The following SAMMSON variants were observed in gnomAD, a reference collection of about 807,000 sequenced individuals.
SAMMSON encodes survival associated mitochondrial melanoma specific oncogenic non-coding RNA, also known as long intergenic non-protein coding RNA 1212.
At chr3:70,147,077 G>A (rs1290897191) in intron 4 of SAMMSON, among the ~76,000 whole-genome samples, 2 of 151,942 alleles carry the variant, frequency 1.3e-5, no homozygotes, top group Non-Finnish European at 2.9e-5. Context: ...GATAGCTGCT[G>A]CAAAATGGAA....
intron 4 of SAMMSON, among the ~76,000 whole-genome samples, chr3:70,217,546 A>G (rs1379553096): frequency 6.6e-6 from 1 of 152,132 alleles, no homozygotes; most frequent in East Asian, 1.9e-4. Context: ...ATTTTTATCA[A>G]TTTAAAAGGA....
intron 6 of SAMMSON, among the ~76,000 whole-genome samples, chr3:70,254,254 ATAAAT>A (rs1439215029): frequency 6.6e-6 from 1 of 152,208 alleles, no homozygotes; most frequent in African/African-American, 2.4e-5. Context: ...AGTTTAATGG[ATAAAT>A]TAAAGTCATA....
chr3:70,397,113 G>A (rs1269539793), intron 2 of SAMMSON, among the ~76,000 whole-genome samples: 2 of 152,208 alleles, frequency 1.3e-5, no homozygotes, highest in East Asian at 3.9e-4. Flanking sequence ...AATAAAGAAG[G>A]AAACAGCAAT....
At chr3:70,280,187 G>C (rs1702066494) in intron 6 of SAMMSON, among the ~76,000 whole-genome samples, 1 of 152,026 alleles carries the variant, frequency 6.6e-6, no homozygotes, top group Admixed American at 6.6e-5. Flanking sequence ...CCCCATGGTT[G>C]TATCATCATC....
intron 9 of SAMMSON, among the ~76,000 whole-genome samples, chr3:70,385,500 GTCGGGTTACATACAGCAC>G (rs1332095392): frequency 1.3e-5 from 2 of 152,044 alleles, no homozygotes; most frequent in African/African-American, 4.8e-5. Context: ...AAATTGAAAT[GTCGGGTTACATACAGCAC>G]TCTGCTAGGC....
downstream of SAMMSON, among the ~76,000 whole-genome samples, chr3:70,391,413 T>G (rs920934191): frequency 2.6e-5 from 4 of 152,148 alleles, no homozygotes; most frequent in Non-Finnish European, 5.9e-5. Context: ...TCATTTCATG[T>G]TGGCACCTAT....
chr3:70,274,272 A>G (rs1004204106), intron 6 of SAMMSON, among the ~76,000 whole-genome samples: 1 of 152,076 alleles, frequency 6.6e-6, no homozygotes, highest in Non-Finnish European at 1.5e-5. Context: ...CTCAAATTTT[A>G]ATATTTTAGA....
intron 3 of SAMMSON, among the ~76,000 whole-genome samples, chr3:70,048,793 G>T (rs75061558): frequency 5.3e-4 from 80 of 152,092 alleles, no homozygotes; most frequent in African/African-American, 1.9e-3. Flanking sequence ...TGAATTGGTC[G>T]CTCTTATAGA....
intron 4 of SAMMSON, among the ~76,000 whole-genome samples, chr3:70,180,131 A>C (rs1576145664): frequency 6.6e-6 from 1 of 152,110 alleles, no homozygotes; most frequent in Admixed American, 6.6e-5. Flanking sequence ...CCTTAAAGAA[A>C]AAATGATTTT....
intron 4 of SAMMSON, among the ~76,000 whole-genome samples, chr3:70,238,007 C>CTTTTTTTTTTTTT (rs1701628969): frequency 2.3e-4 from 2 of 8,620 alleles, no homozygotes; most frequent in Non-Finnish European, 2.5e-4. Flanking sequence ...TTTTTTTTTG[C>CTTTTTTTTTTTTT]CTGTCCAGGA....
At chr3:70,184,543 T>A (rs374922474) in intron 4 of SAMMSON, among the ~76,000 whole-genome samples, 1 of 152,242 alleles carries the variant, frequency 6.6e-6, no homozygotes, top group East Asian at 1.9e-4. Context: ...AAATTTTTGA[T>A]AGTTAACACG....
At chr3:70,190,225 C>A (rs1173859433) in intron 4 of SAMMSON, among the ~76,000 whole-genome samples, 1 of 152,106 alleles carries the variant, frequency 6.6e-6, no homozygotes, top group Non-Finnish European at 1.5e-5. Flanking sequence ...TAATTTCTTT[C>A]CCATCCATCT....
chr3:70,417,576 A>G (rs1393567087), intron 2 of SAMMSON, among the ~76,000 whole-genome samples: 1 of 152,194 alleles, frequency 6.6e-6, no homozygotes, highest in Non-Finnish European at 1.5e-5. Flanking sequence ...AGAACTTCAG[A>G]CATAGGTGGA....
chr3:70,255,621 C>G lies in SAMMSON; in HGVS notation n.674+5951C>G, dbSNP rs554991855. 5.9e-5 allele frequency among the ~76,000 whole-genome samples: 9 copies of G among 152,212 alleles called. No homozygotes were observed. In the South Asian group the frequency reaches 1.9e-3, roughly 32 times the overall value. Reference sequence around the variant, plus strand: ...GGACTGCAGGCATGCACCACCAAGCCTGGCTATTTTTTTTTCCTGTGGAGG... The same window carrying G: ...GGACTGCAGGCATGCACCACCAAGCGTGGCTATTTTTTTTTCCTGTGGAGG... On this transcript the variant is annotated intron_variant and non_coding_transcript_variant, in intron 6 of 9. Transcript: ENST00000642114.
chr3:70,177,964 T>A (rs1348027565), intron 4 of SAMMSON, among the ~76,000 whole-genome samples: 1 of 152,232 alleles, frequency 6.6e-6, no homozygotes, highest in African/African-American at 2.4e-5. Context: ...GGATGTTCTC[T>A]ATATGTACTT....
At chr3:70,192,529 C>T (rs933915447) in intron 4 of SAMMSON, among the ~76,000 whole-genome samples, 1 of 152,118 alleles carries the variant, frequency 6.6e-6, no homozygotes, top group Non-Finnish European at 1.5e-5. Context: ...TAAATTGTGG[C>T]CCAATGAATG....
chr3:70,374,141 C>T (rs1231933059), intron 9 of SAMMSON, among the ~76,000 whole-genome samples: 3 of 152,060 alleles, frequency 2.0e-5, no homozygotes, highest in South Asian at 2.1e-4. Context: ...CTCAAACTCC[C>T]GACCTCAGGG....
chr3:70,374,951 G>C (rs189333219), intron 9 of SAMMSON, among the ~76,000 whole-genome samples: 8 of 152,130 alleles, frequency 5.3e-5, no homozygotes, highest in Non-Finnish European at 8.8e-5. Context: ...AACATTTCTA[G>C]GTTGTTATTT....
intron 6 of SAMMSON, among the ~76,000 whole-genome samples, chr3:70,267,429 G>C (rs1701926423): frequency 8.9e-6 from 1 of 111,934 alleles, no homozygotes; most frequent in African/African-American, 3.6e-5. Flanking sequence ...TTGAGCGGGA[G>C]TCTCGCTCTG....
Sources: gnomAD v4.1 joint callset for allele counts (sites outside exome capture counted in the v4.1 genomes callset) on GRCh38, gnomAD v4.1.1 for gene constraint, MANE v1.5 for transcripts, NCBI Gene and HGNC (gene_info 2026-07-23, HGNC 2026-07-21) for gene names.